The following STX10 variants were observed in gnomAD, a reference collection of about 807,000 sequenced individuals.
STX10 encodes syntaxin-10.
Under a neutral mutation model 34.1 loss-of-function variants are expected in STX10, and 35 were observed. The ratio of observed to expected loss-of-function variants is 1.03; its 90% CI spans 0.78 to 1.36. The LOEUF is 1.36. Ranked by LOEUF, STX10 falls within the 40% of genes most tolerant of loss-of-function variation. The probability of loss-of-function intolerance (pLI) is 0.00; values close to 1 mark genes in which losing one functional copy is unlikely to be tolerated. For missense variants in STX10, 361 were observed against 335.5 expected, an observed-to-expected ratio of 1.08 and a Z score of -0.59; for synonymous variants, 155 against 132.9, an observed-to-expected ratio of 1.17 and a Z score of -1.15.
At position 13,149,588 on chromosome 19, in the gene STX10, C is replaced by G; in HGVS notation, c.211G>C (p.Val71Leu). ...LEDLEETIGIVEANPGKFKLP... is the reference protein window; with the variant it reads ...LEDLEETIGILEANPGKFKLP... ...TTGAACTTGCCTGGGTTGGCTTCCA[C>G]TATACGTGGGCTGAGAGTCAAGGGT... Residue 71 changes from valine (V) to leucine (L), a missense_variant, in exon 3 of 8, where the codon GTG becomes CTG. By Grantham distance (32) the Val-to-Leu change is conservative (BLOSUM62 1). Transcript: ENST00000587230. 1 of 1,614,124 alleles carries G rather than the reference C, an allele frequency of 6.2e-7. No individual in the cohort carries two copies. The highest frequency in any genetic ancestry group is 8.5e-7 in the Non-Finnish European group (1 of 1,180,016).
In STX10 at chr19:13,150,130, G is replaced by A. The variant is rs1160987455; in HGVS notation, c.35+9C>T. The A allele has an allele frequency of 8.5e-7, 1 of 1,175,462 alleles. No individual in the cohort carries two copies. The highest frequency in any genetic ancestry group is 1.3e-6 in the Non-Finnish European group (1 of 793,858). The allele number at this position is 1,175,462 out of a possible 1,614,324, so 72.8% of individuals were successfully genotyped here. On this transcript the variant is annotated intron_variant, in intron 1 of 7. Coordinates refer to ENST00000587230, the MANE Select transcript of STX10 (RefSeq NM_003765.3). The surrounding 1 kb of genome is among the most constrained non-coding windows in gnomAD (Gnocchi z 4.0). Reference sequence around the variant, plus strand: ...GCACCCTCCGCCCTCCCCCGTCGTTGTCACTCACCCTCGGACTACAAAAAA... The same window carrying A: ...GCACCCTCCGCCCTCCCCCGTCGTTATCACTCACCCTCGGACTACAAAAAA...
chr19:13,145,272 C>A lies in STX10; in HGVS notation c.471+16G>T. On this transcript the variant is annotated intron_variant, in intron 5 of 7. Transcript: ENST00000587230. The stretch of plus-strand genomic sequence containing the variant: ...AGGCTCTCCCCTCCCAAGATCCACC[C>A]CGCTGGCCCCAAAACCTGCTGTGTG... 1 of 1,607,128 alleles carries A rather than the reference C, an allele frequency of 6.2e-7. No homozygotes were observed. Among genetic ancestry groups the A allele is most frequent in the Non-Finnish European group, 8.5e-7 (1 of 1,178,914 alleles).
At chr19:13,146,161 C>T (rs2019895118) in intron 4 of STX10, among the ~76,000 whole-genome samples, 1 of 150,364 alleles carries the variant, frequency 6.7e-6, no homozygotes, top group Non-Finnish European at 1.5e-5. Context: ...CGCACCACTG[C>T]ATTTCCAGCC....
chr19:13,145,514 C>T, intron 4 of STX10, 119 bp from the exon 5 acceptor site: 2 of 738,170 alleles, frequency 2.7e-6, no homozygotes, highest in Non-Finnish European at 4.4e-6. Flanking sequence ...AGCCTGCATT[C>T]CCCACTCACC....
Position 13,144,481 on chromosome 19 carries a change from G to T in STX10, c.679C>A (p.Arg227=), listed in dbSNP as rs575830924. 6.2e-7 allele frequency: 1 copy of T among 1,613,528 alleles called. No individual in the cohort carries two copies. The highest frequency in any genetic ancestry group is 8.5e-7 in the Non-Finnish European group (1 of 1,179,866). Residue 227 remains arginine, a synonymous_variant, in exon 8 of 8, where the codon CGA becomes AGA. Transcript: ENST00000587230. ...AKVSHMTSDR[R]QWCAIAVLVG... ...AGCACGGCGATGGCACACCACTGTC[G>T]GCGGTCTGGGAACGAGAAGGTCAGG...
chr19:13,144,268 C>T lies in STX10; in HGVS notation c.*142G>A. 8.6e-7 allele frequency: 1 copy of T among 1,168,906 alleles called. No individual in the cohort carries two copies. Among genetic ancestry groups the T allele is most frequent in the Non-Finnish European group, 1.2e-6 (1 of 836,164 alleles). The allele number at this position is 1,168,906 out of a possible 1,614,324, so 72.4% of individuals were successfully genotyped here. On this transcript the variant is annotated 3_prime_UTR_variant, in exon 8 of 8. Transcript: ENST00000587230. ...GGGTCCCACTGGCTCTAGGGGAGAG[C>T]CATGGGGACAGCTCCCCAGGCGGGA...
chr19:13,148,712 C>T (rs949599323), intron 4 of STX10, among the ~76,000 whole-genome samples: 1 of 151,658 alleles, frequency 6.6e-6, no homozygotes, highest in Non-Finnish European at 1.5e-5. Context: ...GGCAGGCATG[C>T]GTCCTGGAAA....
rs773171168 is a variant in STX10, at chr19:13,144,563, C to T, written c.673+14G>A. On this transcript the variant is annotated intron_variant, in intron 7 of 7. Coordinates refer to ENST00000587230, the MANE Select transcript of STX10 (RefSeq NM_003765.3). Reference sequence around the variant, plus strand: ...GCCCCCACCAGGACTGACCCCTCCCCTGAGGGGACTCACCACTCGTCATGT... The same window carrying T: ...GCCCCCACCAGGACTGACCCCTCCCTTGAGGGGACTCACCACTCGTCATGT... 1.4e-5 allele frequency: 22 copies of T among 1,614,130 alleles called. 1 individual carries two copies. The South Asian group carries it at 2.3e-4, about 17-fold the overall frequency.
rs201520323 is a variant in STX10 at position 13,145,312 on chromosome 19, G to A, written c.447C>T (p.Ile149=). Residue 149 remains isoleucine (I), a synonymous_variant, in exon 5 of 8, where the codon ATC becomes ATT. Coordinates refer to ENST00000587230, the MANE Select transcript of STX10 (RefSeq NM_003765.3). ...ASAVSATSRY[I]EEQQATQQLI... ...CCTGCTGTGTGGCCTGCTGCTCCTC[G>A]ATGTAGCGAGATGTGGCCGAGACTG... The A allele has an allele frequency of 1.3e-5, 21 of 1,611,482 alleles. No individual in the cohort carries two copies. Among genetic ancestry groups the A allele is most frequent in the African/African-American group, 8.0e-5 (6 of 75,062 alleles).
rs752680672 is a variant in STX10, at chr19:13,149,737, C to G, written c.196G>C (p.Glu66Gln). The change falls in exon 2 of 8, where the codon GAG becomes CAG. Residue 66 changes from glutamate (E) to glutamine (Q), a missense_variant. Glu to Gln is a conservative substitution (Grantham distance 29). Transcript: ENST00000587230. ...SIEWDLEDLE[E>Q]TIGIVEANPG... ...CAAAGCCCCAGGATATCGATGGTCT[C>G]TTCCAGGTCCTCGAGGTCCCACTCG... 6.2e-7 allele frequency: 1 copy of G among 1,613,912 alleles called. No individual in the cohort carries two copies. Among genetic ancestry groups the G allele is most frequent in the Non-Finnish European group, 8.5e-7 (1 of 1,179,790 alleles).
intron 3 of STX10, 86 bp from the exon 4 acceptor site, chr19:13,149,177 C>A: frequency 8.2e-7 from 1 of 1,215,286 alleles, no homozygotes; most frequent in Non-Finnish European, 1.2e-6. Context: ...TTTGAGAGAC[C>A]AAGCCGGGTG....
In STX10 at chr19:13,150,256, C is replaced by G; in HGVS notation, c.-83G>C. 3.0e-6 allele frequency: 2 copies of G among 666,910 alleles called. No individual in the cohort carries two copies. Among genetic ancestry groups the G allele is most frequent in the South Asian group, 3.2e-5 (2 of 62,116 alleles). 41.3% of individuals were successfully genotyped at this position (666,910 alleles called of 1,614,324 possible). ...TCCCTCCCAACCGAGGAGAACGCGC[C>G]GCCACCCCCGCCCCCGTCACGCCAC... On this transcript the variant is annotated 5_prime_UTR_variant, in exon 1 of 8. Transcript: ENST00000587230. This position sits in a 1 kb window ranked among gnomAD's most constrained non-coding sequence, Gnocchi z 4.0.
At chr19:13,146,697 C>T (rs1480529970) in intron 4 of STX10, among the ~76,000 whole-genome samples, 2 of 151,748 alleles carry the variant, frequency 1.3e-5, no homozygotes, top group Non-Finnish European at 2.9e-5. Flanking sequence ...ATCACCACCA[C>T]GCCTGGCTAA....
At position 13,149,101 on chromosome 19, in the gene STX10, AG is replaced by A; in HGVS notation, c.301-11del. 1 of 1,588,454 alleles carries A rather than the reference AG, an allele frequency of 6.3e-7. No homozygotes were observed. The highest frequency in any genetic ancestry group is 2.3e-5 in the East Asian group (1 of 43,668). ...TATGGTCCTTCATTTCCTGGAGGTAAGGACAGCATTAGGGAGGAAAGACACT... is the reference window on the plus strand; with the variant it reads ...TATGGTCCTTCATTTCCTGGAGGTAAGACAGCATTAGGGAGGAAAGACACT... On this transcript the variant is annotated splice_polypyrimidine_tract_variant and intron_variant, in intron 3 of 7. Coordinates refer to ENST00000587230, the MANE Select transcript of STX10 (RefSeq NM_003765.3).
Position 13,150,011 on chromosome 19 carries a change from T to G in STX10, c.36-114A>C, listed in dbSNP as rs1039783652. The G allele has an allele frequency of 1.4e-6, 2 of 1,389,772 alleles. No homozygotes were observed. The highest frequency in any genetic ancestry group is 2.0e-6 in the Non-Finnish European group (2 of 1,005,322). 86.1% of individuals were successfully genotyped at this position (1,389,772 alleles called of 1,614,324 possible). A position where few individuals can be genotyped will look rare whatever the true frequency, so the allele number is the denominator to read the frequency against. On this transcript the variant is annotated intron_variant, in intron 1 of 7. Transcript: ENST00000587230. The surrounding 1 kb of genome is among the most constrained non-coding windows in gnomAD (Gnocchi z 4.0). ...GACTCCGGAGACCCCTATATACCCC[T>G]GCGTGCGCCTCCCACTCTGCACCCC... is the stretch of plus-strand genomic sequence containing the variant.
rs1400142070 is a variant in STX10, at chr19:13,144,064, T to C, written c.*346A>G. The C allele has an allele frequency of 5.9e-6, 2 of 340,648 alleles. No homozygotes were observed. The highest frequency in any genetic ancestry group is 4.7e-5 in the South Asian group (1 of 21,170). The allele number at this position is 340,648 out of a possible 1,614,324, so 21.1% of individuals were successfully genotyped here. A position where few individuals can be genotyped will look rare whatever the true frequency, so the allele number is the denominator to read the frequency against. On this transcript the variant is annotated 3_prime_UTR_variant, in exon 8 of 8. Transcript: ENST00000587230. Reference sequence around the variant, plus strand: ...ACACACCACACGACACAAATACGTATAAAAAAGGCTGACATTTTATTTCCA... The same window carrying C: ...ACACACCACACGACACAAATACGTACAAAAAAGGCTGACATTTTATTTCCA...
Position 13,149,077 on chromosome 19 carries a change from A to G in STX10, c.315T>C (p.His105=), listed in dbSNP as rs1474681948. The G allele has an allele frequency of 6.3e-7, 1 of 1,599,478 alleles. No homozygotes were observed. Among genetic ancestry groups the G allele is most frequent in the Admixed American group, 1.7e-5 (1 of 58,096 alleles). ...ATGCTACGGCTGTTGGGCTGACCAT[A>G]TGGTCCTTCATTTCCTGGAGGTAAG... ...MREAVQEMKD[H]MVSPTAVAFL... is the part of the protein sequence containing the mutation. The change falls in exon 4 of 8, where the codon CAT becomes CAC. Residue 105 remains histidine, a synonymous_variant. Transcript: ENST00000587230.
intron 4 of STX10, 77 bp from the exon 5 acceptor site, chr19:13,145,472 G>C: frequency 8.0e-7 from 1 of 1,246,786 alleles, no homozygotes; most frequent in East Asian, 2.4e-5. Context: ...CCCCACGGTG[G>C]TAAGTCAGGG....
Position 13,150,157 on chromosome 19 carries a change from G to A in STX10, c.17C>T (p.Pro6Leu). Reference protein sequence around the residue: MSLEDPFFVVRGEVQK... With the variant: MSLEDLFFVVRGEVQK... ...CACTCACCCTCGGACTACAAAAAAG[G>A]GGTCTTCGAGAGACATGTCAGTCCC... is the stretch of plus-strand genomic sequence containing the variant. The change falls in exon 1 of 8, where the codon CCC (proline) becomes CTC (leucine). Residue 6 changes from proline to leucine, a missense_variant. Physicochemically the swap from Pro to Leu is moderately conservative, Grantham distance 98. Transcript: ENST00000587230. This position sits in a 1 kb window ranked among gnomAD's most constrained non-coding sequence, Gnocchi z 4.0. The A allele has an allele frequency of 8.5e-7, 1 of 1,177,848 alleles. No individual in the cohort carries two copies. The highest frequency in any genetic ancestry group is 1.3e-6 in the Non-Finnish European group (1 of 794,864). 73.0% of individuals were successfully genotyped at this position (1,177,848 alleles called of 1,614,324 possible).
Sources: gnomAD v4.1 joint callset for allele counts (sites outside exome capture counted in the v4.1 genomes callset) on GRCh38, gnomAD v4.1.1 for gene constraint, Gnocchi (gnomAD v3.1) non-coding constraint, MANE v1.5 for transcripts, NCBI Gene and HGNC (gene_info 2026-07-23, HGNC 2026-07-21) for gene names.